FBLN7: variants seen among roughly 807,000 people sequenced by gnomAD.
The protein encoded by FBLN7 is fibulin-7.
Under a neutral mutation model 44.0 loss-of-function variants are expected in FBLN7, and 31 were observed. The ratio of observed to expected loss-of-function variants is 0.70; its 90% confidence interval spans 0.53 to 0.95. FBLN7 has a LOEUF of 0.95. FBLN7 is among the 40% of genes least tolerant of loss of function. The probability of loss-of-function intolerance (pLI) is 0.00; values close to 1 mark genes in which losing one functional copy is unlikely to be tolerated. For missense variants in FBLN7, 573 were observed against 618.5 expected (o/e 0.93, Z 0.78); for synonymous variants, 262 against 253.4 (o/e 1.03, Z -0.32).
chr2:112,149,643 TG>T (rs1232266014), intron 1 of FBLN7, among the ~76,000 whole-genome samples: 1 of 152,076 alleles, frequency 6.6e-6, no homozygotes, highest in African/African-American at 2.4e-5. Flanking sequence ...ACTCCCAGGG[TG>T]GGTTGAACTT....
chr2:112,176,325 C>T (rs1008284325), intron 4 of FBLN7: 1 of 152,718 alleles, frequency 6.5e-6, no homozygotes, highest in African/African-American at 2.4e-5. Context: ...CATATCTCGA[C>T]CCAGAGAGTC....
chr2:112,211,519 A>G, the FBLN7 span: 1 of 152,208 alleles, frequency 6.6e-6, no homozygotes, highest in African/African-American at 2.4e-5. Flanking sequence ...AAACTCCATA[A>G]CAAACTTTAT....
chr2:112,192,091 T>C (rs1342322424), downstream of FBLN7, among the ~76,000 whole-genome samples: 1 of 152,232 alleles, frequency 6.6e-6, no homozygotes, highest in East Asian at 1.9e-4. Context: ...TATAGTATGT[T>C]TTCCATTGTA....
At chr2:112,162,289 C>G (rs927947769) in intron 2 of FBLN7, among the ~76,000 whole-genome samples, 7 of 150,698 alleles carry the variant, frequency 4.6e-5, no homozygotes, top group African/African-American at 1.2e-4. Flanking sequence ...GGATTACAGG[C>G]GGGTGCTCCT....
chr2:112,198,572 G>A, the FBLN7 span, among the ~76,000 whole-genome samples: 7 of 151,858 alleles, frequency 4.6e-5, no homozygotes, highest in Non-Finnish European at 7.4e-5. Context: ...GGGAGACAGA[G>A]GTTGCAGTGA....
intron 2 of FBLN7, among the ~76,000 whole-genome samples, chr2:112,161,078 A>G (rs1042301698): frequency 1.3e-5 from 2 of 152,102 alleles, no homozygotes; most frequent in African/African-American, 4.8e-5. Flanking sequence ...TGACAGACAC[A>G]AGGGCACTTT....
intron 4 of FBLN7, among the ~76,000 whole-genome samples, chr2:112,181,149 C>T (rs183067058): frequency 6.6e-6 from 1 of 151,872 alleles, no homozygotes; most frequent in East Asian, 1.9e-4. Context: ...AACTTATGAA[C>T]ACAAAGAAGG....
At chr2:112,184,482 T>A (rs1027393181) in intron 6 of FBLN7, among the ~76,000 whole-genome samples, 11 of 151,882 alleles carry the variant, frequency 7.2e-5, no homozygotes, top group African/African-American at 2.2e-4. Context: ...TTGCTTGGGG[T>A]TGGGAGGGAC....
In FBLN7 at chr2:112,138,486, C is replaced by G. The variant is rs1680455496; in HGVS notation, c.-170C>G. On this transcript the variant is annotated 5_prime_UTR_variant, in exon 1 of 8. Transcript: ENST00000331203. Reference sequence around the variant, plus strand: ...CGCAAGGCCCGGGCGGCGCCGATCCCCGCGGGACGCGCTGCGCTCGGGGCC... The same window carrying G: ...CGCAAGGCCCGGGCGGCGCCGATCCGCGCGGGACGCGCTGCGCTCGGGGCC... 3 of 784,780 alleles carry G rather than the reference C, an allele frequency of 3.8e-6. No individual in the cohort carries two copies. Among genetic ancestry groups the G allele is most frequent in the Admixed American group, 4.8e-5 (1 of 20,750 alleles). The allele number at this position is 784,780 out of a possible 1,614,324, so 48.6% of individuals were successfully genotyped here.
the FBLN7 span, among the ~76,000 whole-genome samples, chr2:112,220,520 G>C: frequency 2.0e-5 from 3 of 152,110 alleles, no homozygotes; most frequent in African/African-American, 7.2e-5. Context: ...TCTGCTGTTA[G>C]CCTAAAGACC....
At chr2:112,234,169 C>G in the FBLN7 span, 1 of 1,608,464 alleles carries the variant, frequency 6.2e-7, no homozygotes, top group Middle Eastern at 1.7e-4. Context: ...TTTTCCCTTG[C>G]GTTCCACTGT....
intron 1 of FBLN7, chr2:112,151,803 A>C (rs1168026314): frequency 6.6e-6 from 1 of 152,020 alleles, no homozygotes; most frequent in African/African-American, 2.4e-5. Context: ...ATGTGTGTGG[A>C]CCCCAAGCTC....
chr2:112,218,673 G>A, the FBLN7 span, among the ~76,000 whole-genome samples: 59 of 152,176 alleles, frequency 3.9e-4, no homozygotes, highest in African/African-American at 1.4e-3. Flanking sequence ...CTACAATTTG[G>A]AAACATAGAG....
the FBLN7 span, among the ~76,000 whole-genome samples, chr2:112,224,727 C>G: frequency 2.0e-5 from 3 of 152,150 alleles, no homozygotes; most frequent in East Asian, 5.8e-4. Context: ...AGAGTGTAGA[C>G]TATATAATTC....
chr2:112,163,168 C>T (rs557236331), intron 2 of FBLN7, among the ~76,000 whole-genome samples: 1 of 152,290 alleles, frequency 6.6e-6, no homozygotes, highest in Admixed American at 6.5e-5. Flanking sequence ...CACGGCTGCT[C>T]CTCAAAGAAC....
At chr2:112,144,837 C>T (rs936316749) in intron 1 of FBLN7, among the ~76,000 whole-genome samples, 2 of 152,260 alleles carry the variant, frequency 1.3e-5, no homozygotes, top group African/African-American at 2.4e-5. Flanking sequence ...TACTGTTTAT[C>T]GGTTCACCCA....
intron 2 of FBLN7, 78 bp from the exon 3 acceptor site, chr2:112,164,923 G>T (rs1682064390): frequency 3.3e-6 from 5 of 1,505,616 alleles, no homozygotes; most frequent in Non-Finnish European, 4.5e-6. Flanking sequence ...TTCGAGATGG[G>T]AAGTCCTGTA....
intron 3 of FBLN7, among the ~76,000 whole-genome samples, chr2:112,172,601 A>ATGGAATTCACC (rs1428606348): frequency 7.4e-6 from 1 of 134,614 alleles, no homozygotes; most frequent in Non-Finnish European, 1.6e-5. Flanking sequence ...TTTCTCAGGT[A>ATGGAATTCACC]TGGAATTCAC....
At chr2:112,197,298 G>GAGAC in the FBLN7 span, among the ~76,000 whole-genome samples, 2 of 149,660 alleles carry the variant, frequency 1.3e-5, no homozygotes, top group East Asian at 3.9e-4. Context: ...GAGAGAGAGA[G>GAGAC]AGAGAGAGAC....
Sources: gnomAD v4.1 joint callset for allele counts (sites outside exome capture counted in the v4.1 genomes callset) on GRCh38, gnomAD v4.1.1 for gene constraint, MANE v1.5 for transcripts, NCBI Gene and HGNC (gene_info 2026-07-23, HGNC 2026-07-21) for gene names.